Variants in LRMDA observed in about 807,000 individuals in gnomAD.
LRMDA encodes leucine-rich melanocyte differentiation-associated protein.
A neutral mutation model predicts 29.8 loss-of-function variants in LRMDA; 18 were observed. The ratio of observed to expected loss-of-function variants is 0.60; its 90% CI spans 0.42 to 0.90. The LOEUF is 0.90. LRMDA is among the 40% of genes least tolerant of loss of function. The probability of loss-of-function intolerance (pLI) is 0.00; values close to 1 mark genes in which losing one functional copy is unlikely to be tolerated. For synonymous variants in LRMDA, 125 were observed against 109.4 expected (o/e 1.14, Z -0.89); for missense variants, 273 against 273.9 (o/e 1.00, Z 0.02).
chr10:76,033,019 T>G (rs1848176990), intron 2 of LRMDA, among the ~76,000 whole-genome samples: 1 of 152,120 alleles, frequency 6.6e-6, no homozygotes. Flanking sequence ...TACACACATA[T>G]TTTTTCTCCT....
At chr10:76,093,921 C>T (rs937422096) in intron 5 of LRMDA, among the ~76,000 whole-genome samples, 3 of 152,200 alleles carry the variant, frequency 2.0e-5, no homozygotes, top group African/African-American at 4.8e-5. Flanking sequence ...GTTTCCTTCT[C>T]CCATAGAGCC....
At chr10:76,405,349 C>T (rs949850129) in intron 6 of LRMDA, among the ~76,000 whole-genome samples, 6 of 152,156 alleles carry the variant, frequency 3.9e-5, no homozygotes, top group African/African-American at 1.4e-4. Context: ...GGCCAGCTTT[C>T]GTCACTAGGT....
At chr10:75,633,485 C>A (rs1460795798) in intron 2 of LRMDA, among the ~76,000 whole-genome samples, 2 of 152,170 alleles carry the variant, frequency 1.3e-5, no homozygotes, top group Non-Finnish European at 2.9e-5. Flanking sequence ...ACATAATTAA[C>A]AATTTTGTAA....
intron 5 of LRMDA, among the ~76,000 whole-genome samples, chr10:76,243,048 A>G (rs1852306478): frequency 6.6e-6 from 1 of 152,168 alleles, no homozygotes; most frequent in African/African-American, 2.4e-5. Context: ...CATCTCGTAT[A>G]AACAGCAGAA....
chr10:75,617,094 G>A (rs1841113190), intron 2 of LRMDA, among the ~76,000 whole-genome samples: 2 of 152,186 alleles, frequency 1.3e-5, no homozygotes, highest in African/African-American at 4.8e-5. Flanking sequence ...GCACTCTGTA[G>A]CTTTAGCAGC....
chr10:75,996,349 G>A lies in LRMDA; in HGVS notation c.132-39659G>A, dbSNP rs1006408149. Among the ~76,000 whole-genome samples the A allele has an allele frequency of 3.3e-5, 5 of 152,248 alleles. No individual in the cohort carries two copies. In the South Asian group the frequency reaches 6.2e-4, roughly 19 times the overall value. On this transcript the variant is annotated intron_variant, in intron 2 of 6. Transcript: ENST00000611255. The stretch of plus-strand genomic sequence containing the variant: ...TGAACGTGTGGAATTTCTTTGGTTC[G>A]TTGCTTTTGGTGAGGAGGAATCCAG...
At chr10:75,557,198 C>T (rs1840225544) in intron 2 of LRMDA, among the ~76,000 whole-genome samples, 1 of 151,722 alleles carries the variant, frequency 6.6e-6, no homozygotes, top group Admixed American at 6.6e-5. Context: ...TCTGTAATCC[C>T]ATTTACTTGG....
intron 6 of LRMDA, among the ~76,000 whole-genome samples, chr10:76,394,482 GAGA>G (rs1841759902): frequency 6.6e-6 from 1 of 152,256 alleles, no homozygotes; most frequent in Admixed American, 6.5e-5. Flanking sequence ...TATCACATTT[GAGA>G]AGGTTGTGTT....
intron 5 of LRMDA, among the ~76,000 whole-genome samples, chr10:76,132,966 CTTTTTT>C (rs35997711): frequency 3.5e-5 from 2 of 57,372 alleles, no homozygotes; most frequent in African/African-American, 1.4e-4. Flanking sequence ...CCACGCCCGG[CTTTTTT>C]TTTTTTTTTT....
chr10:75,634,122 A>C (rs2132114926), intron 2 of LRMDA, among the ~76,000 whole-genome samples: 1 of 152,342 alleles, frequency 6.6e-6, no homozygotes, highest in African/African-American at 2.4e-5. Flanking sequence ...ATCCCGGTAA[A>C]CTAGCACTGG....
chr10:75,795,088 G>A (rs530065900), intron 2 of LRMDA, among the ~76,000 whole-genome samples: 92 of 152,090 alleles, frequency 6.0e-4, no homozygotes, highest in Admixed American at 1.0e-3. Context: ...TAATTCTCGT[G>A]TAGGAGAGTT....
intron 6 of LRMDA, among the ~76,000 whole-genome samples, chr10:76,443,715 T>C (rs1400371958): frequency 6.6e-6 from 1 of 152,196 alleles, no homozygotes. Context: ...CCACCAGCTA[T>C]ATAGATTTGT....
In LRMDA at chr10:76,191,660, A is replaced by G. The variant is rs111328899; in HGVS notation, c.517-132741A>G. Among the ~76,000 whole-genome samples, 1,259 of 152,284 alleles carry G rather than the reference A, an allele frequency of 8.3e-3. 28 individuals carry two copies. The highest frequency in any genetic ancestry group is 0.029 in the African/African-American group (1,196 of 41,566). ...AACCACCCTGTAGGGCCCTTTTAGG[A>G]GGGCAGTGAAAGCAGCTGTTTAGTG... On this transcript the variant is annotated intron_variant, in intron 5 of 6. Coordinates refer to ENST00000611255, the MANE Select transcript of LRMDA (RefSeq NM_001305581.2).
chr10:76,492,485 A>C (rs1275261635), intron 6 of LRMDA, among the ~76,000 whole-genome samples: 2 of 152,034 alleles, frequency 1.3e-5, no homozygotes, highest in Non-Finnish European at 2.9e-5. Context: ...AGCTGGAAGA[A>C]TTTTCTGGTT....
chr10:76,328,204 T>G (rs570918031), intron 6 of LRMDA, among the ~76,000 whole-genome samples: 1 of 152,196 alleles, frequency 6.6e-6, no homozygotes, highest in Non-Finnish European at 1.5e-5. Context: ...GTGTCCATGT[T>G]ATGAGGAGCG....
intron 2 of LRMDA, among the ~76,000 whole-genome samples, chr10:76,013,345 G>C (rs1365886270): frequency 6.6e-6 from 1 of 151,534 alleles, no homozygotes; most frequent in Non-Finnish European, 1.5e-5. Flanking sequence ...AAAGAGGAAG[G>C]GTCATTTTTC....
intron 2 of LRMDA, among the ~76,000 whole-genome samples, chr10:75,886,924 C>T (rs1388196156): frequency 2.0e-5 from 3 of 152,122 alleles, no homozygotes; most frequent in Non-Finnish European, 4.4e-5. Context: ...TGCTTTTCTA[C>T]TTTATCCTGA....
chr10:76,066,369 T>A (rs1249813881), intron 5 of LRMDA, among the ~76,000 whole-genome samples: 1 of 152,190 alleles, frequency 6.6e-6, no homozygotes, highest in Non-Finnish European at 1.5e-5. Flanking sequence ...TGCTTAACAA[T>A]TTTATCTCTA....
At chr10:75,523,262 A>G (rs1012963577) in intron 2 of LRMDA, among the ~76,000 whole-genome samples, 1 of 152,154 alleles carries the variant, frequency 6.6e-6, no homozygotes, top group Non-Finnish European at 1.5e-5. Flanking sequence ...GCATGTGTGC[A>G]TGCATCCTGC....
Sources: allele counts gnomAD v4.1 joint callset (sites outside exome capture counted in the v4.1 genomes callset), GRCh38; gene constraint gnomAD v4.1.1; transcripts MANE v1.5; gene names NCBI Gene and HGNC (gene_info 2026-07-23, HGNC 2026-07-21).